OR7C1: variants seen among roughly 807,000 people sequenced by gnomAD.
OR7C1 encodes olfactory receptor family 7 subfamily C member 1.
For missense variants in OR7C1, 324 were observed against 383.3 expected (o/e 0.85, Z 1.29); for synonymous variants, 152 against 160.7 (o/e 0.95, Z 0.41).
At chr19:14,830,820 G>T (rs1373750446) in intron 1 of OR7C1, among the ~76,000 whole-genome samples, 1 of 152,084 alleles carries the variant, frequency 6.6e-6, no homozygotes, top group African/African-American at 2.4e-5. Flanking sequence ...TTTCTTCATG[G>T]TCCAGGACAC....
exon 5 of OR7C1, chr19:14,799,061 G>C: frequency 3.7e-6 from 5 of 1,342,922 alleles, no homozygotes; most frequent in Non-Finnish European, 5.0e-6. Flanking sequence ...TCTAGCTCCT[G>C]TATCAAAGAC....
chr19:14,807,454 T>G (rs2044670995), intron 2 of OR7C1, among the ~76,000 whole-genome samples: 1 of 151,912 alleles, frequency 6.6e-6, no homozygotes, highest in Admixed American at 6.6e-5. Flanking sequence ...GGAATCCTCT[T>G]TAGAATCCTT....
chr19:14,812,625 C>T (rs1315431446), intron 1 of OR7C1, among the ~76,000 whole-genome samples: 17 of 151,582 alleles, frequency 1.1e-4, no homozygotes, highest in Admixed American at 1.1e-3. Flanking sequence ...GATTTTAAGA[C>T]GCTAGCCTGC....
chr19:14,799,906 A>G, exon 5 of OR7C1: 1 of 1,614,224 alleles, frequency 6.2e-7, no homozygotes, highest in Non-Finnish European at 8.5e-7. Flanking sequence ...TCTTTGGGAC[A>G]GTCGTGGAGG....
intron 1 of OR7C1, among the ~76,000 whole-genome samples, chr19:14,822,929 G>A (rs536463036): frequency 6.6e-6 from 1 of 151,494 alleles, no homozygotes; most frequent in African/African-American, 2.4e-5. Context: ...TATCATATGT[G>A]TGGTTTGCAA....
intron 1 of OR7C1, among the ~76,000 whole-genome samples, chr19:14,823,872 G>A (rs1378002940): frequency 6.8e-6 from 1 of 147,562 alleles, no homozygotes; most frequent in Non-Finnish European, 1.5e-5. Context: ...TCCCAGCACC[G>A]TTTATTGAAG....
At position 14,800,107 on chromosome 19, in the gene OR7C1, T is replaced by C. The variant is rs770970993; in HGVS notation, c.30A>G (p.Gln10=). 2.5e-6 allele frequency: 4 copies of C among 1,590,988 alleles called. No individual in the cohort carries two copies. In the South Asian group the frequency reaches 3.4e-5, roughly 13 times the overall value. The change falls in exon 5 of 5, where the codon CAA becomes CAG. Residue 10 remains glutamine (Q), a synonymous_variant. Coordinates refer to ENST00000641666, the Ensembl canonical transcript of OR7C1. ...CTGAAAATCCCAGGAGGAGAAATTC[T>C]TGGGCATGTGTTTGATTTCCTGTTT...
intron 1 of OR7C1, among the ~76,000 whole-genome samples, chr19:14,832,271 G>C (rs1379661900): frequency 6.6e-6 from 1 of 152,000 alleles, no homozygotes; most frequent in African/African-American, 2.4e-5. Flanking sequence ...TTATGACATT[G>C]CATCATGCAC....
At chr19:14,820,826 C>T (rs373520204) in intron 1 of OR7C1, among the ~76,000 whole-genome samples, 14 of 151,998 alleles carry the variant, frequency 9.2e-5, no homozygotes, top group East Asian at 3.9e-4. Context: ...GCACGAGGAA[C>T]GGAATTGGAC....
At chr19:14,829,255 G>A (rs2044807383) in intron 1 of OR7C1, among the ~76,000 whole-genome samples, 1 of 152,232 alleles carries the variant, frequency 6.6e-6, no homozygotes, top group African/African-American at 2.4e-5. Context: ...CCGGGCTGGA[G>A]CGCAGTGGCG....
rs371593335 is a variant in OR7C1, at chr19:14,800,162, A to G, written c.-13-13T>C. On this transcript the variant is annotated splice_polypyrimidine_tract_variant and intron_variant, in intron 4 of 4. Transcript: ENST00000641666. ...GGGGATAAAATAACTGCCACAAGAG[A>G]GAAAAAAGCAACAGTCAATTATCAA... 6.6e-7 allele frequency: 1 copy of G among 1,515,954 alleles called. No individual in the cohort carries two copies. The highest frequency in any genetic ancestry group is 1.3e-5 in the South Asian group (1 of 74,356). The allele number at this position is 1,515,954 out of a possible 1,614,324, so 93.9% of individuals were successfully genotyped here.
intron 1 of OR7C1, among the ~76,000 whole-genome samples, chr19:14,821,737 G>A (rs1025565939): frequency 1.6e-4 from 24 of 152,088 alleles, no homozygotes; most frequent in African/African-American, 5.1e-4. Flanking sequence ...TAAATCTTAC[G>A]TACCATAGCA....
At chr19:14,811,251 A>C (rs1198786709) in intron 1 of OR7C1, among the ~76,000 whole-genome samples, 1 of 151,874 alleles carries the variant, frequency 6.6e-6, no homozygotes, top group Non-Finnish European at 1.5e-5. Flanking sequence ...GAAGTCCAAA[A>C]TCAAGGTGCA....
At chr19:14,826,225 G>T (rs2044766513) in intron 1 of OR7C1, 1 of 152,124 alleles carries the variant, frequency 6.6e-6, no homozygotes, top group South Asian at 2.1e-4. Flanking sequence ...AGGCATGACT[G>T]GGGAGAAGCT....
chr19:14,799,386 A>G, exon 5 of OR7C1: 1 of 1,614,164 alleles, frequency 6.2e-7, no homozygotes, highest in Non-Finnish European at 8.5e-7. Context: ...GTGCCATAGA[A>G]CAAGGTGACC....
At chr19:14,831,594 G>A (rs1273617673) in intron 1 of OR7C1, among the ~76,000 whole-genome samples, 17 of 152,092 alleles carry the variant, frequency 1.1e-4, no homozygotes, top group South Asian at 2.1e-4. Context: ...ACAGGTGCCC[G>A]CCACTGTGCC....
At chr19:14,818,061 A>T (rs118040014) in intron 1 of OR7C1, among the ~76,000 whole-genome samples, 11,077 of 81,836 alleles carry the variant, frequency 0.14, 539 homozygotes, top group Middle Eastern at 0.27. Context: ...CATTTTATTT[A>T]TTTTATTTAT....
At chr19:14,833,242 G>A (rs2044851459) in intron 1 of OR7C1, among the ~76,000 whole-genome samples, 1 of 152,238 alleles carries the variant, frequency 6.6e-6, no homozygotes, top group Non-Finnish European at 1.5e-5. Flanking sequence ...AGTTTGGAAG[G>A]TCCAGGTGGG....
chr19:14,799,705 C>T, exon 5 of OR7C1: 1 of 1,614,046 alleles, frequency 6.2e-7, no homozygotes, highest in Non-Finnish European at 8.5e-7. Context: ...ACCCCAGAAC[C>T]AGCAGTCCAC....
Sources: allele counts gnomAD v4.1 joint callset (sites outside exome capture counted in the v4.1 genomes callset), GRCh38; gene constraint gnomAD v4.1.1; transcripts MANE v1.5; gene names NCBI Gene and HGNC (gene_info 2026-07-23, HGNC 2026-07-21).